KNDC1: variants seen among roughly 807,000 people sequenced by gnomAD.
KNDC1 encodes the protein kinase non-catalytic C-lobe domain-containing protein 1.
A neutral mutation model predicts 172.8 loss-of-function variants in KNDC1; 106 were observed. That is an observed-to-expected ratio of 0.61 (90% CI 0.52 to 0.72). The LOEUF (loss-of-function observed/expected upper bound fraction) is 0.72, where lower values mean the gene tolerates loss of function less well. Ranked by LOEUF, KNDC1 falls within the 30% of genes least tolerant of loss-of-function variation. The probability of loss-of-function intolerance (pLI) is 0.00; values close to 1 mark genes in which losing one functional copy is unlikely to be tolerated. For missense variants in KNDC1, 2,325 were observed against 2,394.5 expected (o/e 0.97, Z 0.61); for synonymous variants, 1,083 against 1,062.2 (o/e 1.02, Z -0.38).
chr10:133,171,930 T>C (rs1461923489), intron 3 of KNDC1, among the ~76,000 whole-genome samples: 1 of 152,234 alleles, frequency 6.6e-6, no homozygotes, highest in Non-Finnish European at 1.5e-5. Flanking sequence ...TTCACTTTAG[T>C]ATCTTTATTT....
At chr10:133,169,798 A>C (rs1458625709) in intron 3 of KNDC1, among the ~76,000 whole-genome samples, 2 of 152,184 alleles carry the variant, frequency 1.3e-5, no homozygotes, top group African/African-American at 4.8e-5. Context: ...CCTGGTGCAC[A>C]TGAGGGAGTT....
chr10:133,167,619 G>A (rs41307080), intron 2 of KNDC1, 40 bp downstream of exon 2: 28,694 of 1,539,950 alleles, frequency 0.019, 364 homozygotes, highest in Non-Finnish European at 0.022. Flanking sequence ...GCGGGCACGC[G>A]GGGTGGAGGT....
At chr10:133,200,134 C>T (rs1308929080) in intron 15 of KNDC1, among the ~76,000 whole-genome samples, 7 of 152,178 alleles carry the variant, frequency 4.6e-5, no homozygotes, top group Admixed American at 2.0e-4. Flanking sequence ...ACCCCAGCCC[C>T]GGCCTCCTCG....
Position 133,207,355 on chromosome 10 carries a change from C to T in KNDC1, c.3794+4C>T, listed in dbSNP as rs759529344. ...TCATGGCCTACCTGTACTCCAGGTG[C>T]GTTGGGAGAAAAGCTCACCCGGAAA... On this transcript the variant is annotated splice_donor_region_variant and intron_variant, in intron 20 of 29. Coordinates refer to ENST00000304613, the MANE Select transcript of KNDC1 (RefSeq NM_152643.8). The T allele has an allele frequency of 2.0e-5, 33 of 1,610,924 alleles. No individual in the cohort carries two copies. Among genetic ancestry groups the T allele is most frequent in the East Asian group, 6.7e-5 (3 of 44,828 alleles).
At chr10:133,187,503 G>C (rs1235705215) in intron 6 of KNDC1, among the ~76,000 whole-genome samples, 1 of 152,272 alleles carries the variant, frequency 6.6e-6, no homozygotes, top group East Asian at 1.9e-4. Context: ...CTGGCCCGGG[G>C]ACGGGGGTGC....
rs1853029658 is a variant in KNDC1 at position 133,163,119 on chromosome 10, G to A, written c.102+2550G>A. On this transcript the variant is annotated intron_variant, in intron 1 of 29. Coordinates refer to ENST00000304613, the MANE Select transcript of KNDC1 (RefSeq NM_152643.8). This position sits in a 1 kb window ranked among gnomAD's most constrained non-coding sequence, Gnocchi z 4.4. ...ATCTGAGGCAGAACAGTGCAATCCA[G>A]GCAGAACAGCGGCTGCAGAAGAGGC... Among the ~76,000 whole-genome samples the A allele has an allele frequency of 6.6e-6, 1 of 152,228 alleles. No individual in the cohort carries two copies. Among genetic ancestry groups the A allele is most frequent in the Non-Finnish European group, 1.5e-5 (1 of 68,036 alleles).
intron 11 of KNDC1, 114 bp downstream of exon 11, chr10:133,197,249 G>A: frequency 1.2e-6 from 1 of 803,390 alleles, no homozygotes; most frequent in South Asian, 1.5e-5. Context: ...GGTCTCTGTT[G>A]ACCACCGAGC....
At position 133,198,677 on chromosome 10, in the gene KNDC1, C is replaced by T. The variant is rs1220232039; in HGVS notation, c.2169C>T (p.Ser723=). 6.3e-7 allele frequency: 1 copy of T among 1,591,296 alleles called. No individual in the cohort carries two copies. The highest frequency in any genetic ancestry group is 8.5e-7 in the Non-Finnish European group (1 of 1,170,040). The change falls in exon 14 of 30, where the codon TCC becomes TCT. Residue 723 remains serine (S), a synonymous_variant. Transcript: ENST00000304613. ...EKLSLEAHAG[S]PSLKTPDGPV... ...TCTCCCTGGAGGCCCACGCTGGGTC[C>T]CCCAGCCTGAAGACGCCTGACGGGC...
chr10:133,198,820 A>G lies in KNDC1; in HGVS notation c.2312A>G (p.Glu771Gly). The change falls in exon 14 of 30, where the codon GAG (glutamate) becomes GGG (glycine). Residue 771 changes from glutamate to glycine, a missense_variant. By Grantham distance (98) the Glu-to-Gly change is moderately conservative. Coordinates refer to ENST00000304613, the MANE Select transcript of KNDC1 (RefSeq NM_152643.8). ...CCCCAGGCCCCAGCAAACCAGCCAG[A>G]GGGGGCCTCATCGGCAGCTCCCGGC... ...PPPQAPANQP[E>G]GASSAAPGSP... 1.3e-6 allele frequency: 2 copies of G among 1,599,356 alleles called. No individual in the cohort carries two copies. The highest frequency in any genetic ancestry group is 1.3e-5 in the African/African-American group (1 of 74,588).
rs1852932904 is a variant in KNDC1, at chr10:133,160,585, C to T, written c.102+16C>T. 1.3e-6 allele frequency: 2 copies of T among 1,538,090 alleles called. No homozygotes were observed. Among genetic ancestry groups the T allele is most frequent in the South Asian group, 1.2e-5 (1 of 83,864 alleles). The stretch of plus-strand genomic sequence containing the variant: ...CGAGGACGAGGTGAGCCCCCGGCCC[C>T]ACTGGGGGGCCCCTTCCGCCGCCGA... On this transcript the variant is annotated intron_variant, in intron 1 of 29. Coordinates refer to ENST00000304613, the MANE Select transcript of KNDC1 (RefSeq NM_152643.8).
intron 26 of KNDC1, among the ~76,000 whole-genome samples, chr10:133,214,770 G>T (rs1288169148): frequency 6.6e-6 from 1 of 152,236 alleles, no homozygotes; most frequent in East Asian, 1.9e-4. Flanking sequence ...GCCTCTTCTA[G>T]GTCCTGTGGG....
chr10:133,212,345 C>T (rs529749695), intron 23 of KNDC1, among the ~76,000 whole-genome samples: 12 of 152,348 alleles, frequency 7.9e-5, no homozygotes, highest in Non-Finnish European at 1.3e-4. Flanking sequence ...TCCATGTTCC[C>T]GGTCCCAGGC....
At position 133,183,468 on chromosome 10, in the gene KNDC1, C is replaced by T; in HGVS notation, c.485C>T (p.Pro162Leu). Reference sequence around the variant, plus strand: ...CTGAGCCGGATGCAGGCGGAGGACCCCGGGGACCGGCCGGACCTTGAGGTA... The same window carrying T: ...CTGAGCCGGATGCAGGCGGAGGACCTCGGGGACCGGCCGGACCTTGAGGTA... ...ALLSRMQAEDPGDRPDLESII... is the reference protein window; with the variant it reads ...ALLSRMQAEDLGDRPDLESII... The change falls in exon 4 of 30, where the codon CCC becomes CTC. Residue 162 changes from proline (P) to leucine (L), a missense_variant. Transcript: ENST00000304613. 2 of 1,604,788 alleles carry T rather than the reference C, an allele frequency of 1.2e-6. No individual in the cohort carries two copies. Among genetic ancestry groups the T allele is most frequent in the Non-Finnish European group, 1.7e-6 (2 of 1,177,784 alleles).
At position 133,224,457 on chromosome 10, in the gene KNDC1, T is replaced by C. The variant is rs1352626723; in HGVS notation, c.5019-202T>C. The stretch of plus-strand genomic sequence containing the variant: ...AAGCGTGTGTGGACTGAAATGTGGA[T>C]GGATGGACAGTCAGACAGACGGAAA... On this transcript the variant is annotated intron_variant, in intron 29 of 29. Coordinates refer to ENST00000304613, the MANE Select transcript of KNDC1 (RefSeq NM_152643.8). The surrounding 1 kb of genome is among the most constrained non-coding windows in gnomAD (Gnocchi z 5.4). 1.3e-5 allele frequency among the ~76,000 whole-genome samples: 2 copies of C among 152,090 alleles called. No individual in the cohort carries two copies. Among genetic ancestry groups the C allele is most frequent in the Admixed American group, 6.5e-5 (1 of 15,270 alleles).
intron 10 of KNDC1, among the ~76,000 whole-genome samples, chr10:133,196,623 G>A (rs1453252758): frequency 3.9e-5 from 6 of 152,238 alleles, no homozygotes; most frequent in African/African-American, 1.2e-4. Flanking sequence ...ACGGCTGGGC[G>A]TCTGCCAAGC....
chr10:133,186,297 G>A lies in KNDC1; in HGVS notation c.949G>A (p.Glu317Lys), dbSNP rs1195388230. ...TFPRLLSDSP[E>K]ATLCLPLTRG... ...CCCTAGGCTGCTGTCCGACAGCCCC[G>A]AGGCCACCCTCTGCCTGCCGCTGAC... Residue 317 changes from glutamate to lysine, a missense_variant, in exon 6 of 30, where the codon GAG becomes AAG. By Grantham distance (56) the Glu-to-Lys change is moderately conservative (BLOSUM62 1). Transcript: ENST00000304613. The A allele has an allele frequency of 7.4e-6, 12 of 1,611,612 alleles. No individual in the cohort carries two copies. Among genetic ancestry groups the A allele is most frequent in the East Asian group, 2.2e-5 (1 of 44,872 alleles).
chr10:133,193,938 A>G (rs1854123281), intron 9 of KNDC1, among the ~76,000 whole-genome samples: 1 of 152,260 alleles, frequency 6.6e-6, no homozygotes, highest in Admixed American at 6.5e-5. Flanking sequence ...AAACTGATAG[A>G]ATTAATAGAG....
intron 3 of KNDC1, among the ~76,000 whole-genome samples, chr10:133,178,167 CCTG>C (rs1853610476): frequency 7.1e-6 from 1 of 140,876 alleles, no homozygotes; most frequent in Admixed American, 7.1e-5. Flanking sequence ...ACGAGTGTAT[CCTG>C]TGTGTAGCAT....
chr10:133,181,110 C>T (rs55755928), intron 3 of KNDC1, among the ~76,000 whole-genome samples: 59,219 of 151,800 alleles, frequency 0.39, 13,359 homozygotes, highest in South Asian at 0.65. Flanking sequence ...ACGCGGCACC[C>T]ACAGACGCCA....
Sources: allele counts gnomAD v4.1 joint callset (sites outside exome capture counted in the v4.1 genomes callset), GRCh38; gene constraint gnomAD v4.1.1; non-coding constraint Gnocchi (gnomAD v3.1); transcripts MANE v1.5; gene names NCBI Gene and HGNC (gene_info 2026-07-23, HGNC 2026-07-21).